The following TBC1D8 variants were observed in gnomAD, a reference collection of about 807,000 sequenced individuals.
The protein encoded by TBC1D8 is TBC1 domain family member 8.
TBC1D8 carries 65 observed loss-of-function variants against 118.8 expected under a neutral mutation model. That is an observed-to-expected ratio of 0.55 (90% CI 0.45 to 0.67). The LOEUF (loss-of-function observed/expected upper bound fraction) is 0.67, where lower values mean the gene tolerates loss of function less well. Ranked by LOEUF, TBC1D8 falls within the 30% of genes least tolerant of loss-of-function variation. The probability of loss-of-function intolerance (pLI) is 0.00; values close to 1 mark genes in which losing one functional copy is unlikely to be tolerated. For missense variants in TBC1D8, 1,376 were observed against 1,471.2 expected (o/e 0.94, Z 1.06); for synonymous variants, 566 against 595.8 (o/e 0.95, Z 0.73).
chr2:101,037,523 G>A lies in TBC1D8; in HGVS notation c.1452+9C>T, dbSNP rs747960750. On this transcript the variant is annotated intron_variant, in intron 8 of 19. Transcript: ENST00000409318. Reference sequence around the variant, plus strand: ...TTGTGGTCCAGCTTGGGCACCAGGCGTCACCCACCATTCGGGAGTCAGGGC... The same window carrying A: ...TTGTGGTCCAGCTTGGGCACCAGGCATCACCCACCATTCGGGAGTCAGGGC... 2.3e-5 allele frequency: 37 copies of A among 1,610,918 alleles called. No homozygotes were observed. Among genetic ancestry groups the A allele is most frequent in the South Asian group, 6.6e-5 (6 of 90,960 alleles).
chr2:101,095,663 TG>T (rs946779568), intron 1 of TBC1D8, among the ~76,000 whole-genome samples: 20 of 152,082 alleles, frequency 1.3e-4, no homozygotes, highest in African/African-American at 4.6e-4. Context: ...TGTTGGACAT[TG>T]GGGTTGTGGA....
intron 1 of TBC1D8, among the ~76,000 whole-genome samples, chr2:101,111,466 C>T (rs1232503568): frequency 5.3e-5 from 8 of 152,146 alleles, no homozygotes; most frequent in Admixed American, 1.3e-4. Context: ...TGAGTGTGTG[C>T]GCGAGTGCAG....
At chr2:101,018,104 AC>A (rs1303522945) in intron 17 of TBC1D8, 1 of 590,934 alleles carries the variant, frequency 1.7e-6, no homozygotes, top group Non-Finnish European at 3.0e-6. Context: ...TCCAATCAAC[AC>A]TTTTTCATAT....
rs538338948 is a variant in TBC1D8, at chr2:101,022,869, G to A, written c.2521-348C>T. 2.0e-4 allele frequency among the ~76,000 whole-genome samples: 31 copies of A among 152,110 alleles called. 1 individual carries two copies. In the South Asian group the frequency reaches 5.0e-3, roughly 24 times the overall value. Reference sequence around the variant, plus strand: ...TAAAATCCTACTTTTTTGGCCAGGCGTGGTGGCTCACGCCTGTAATCCTAG... The same window carrying A: ...TAAAATCCTACTTTTTTGGCCAGGCATGGTGGCTCACGCCTGTAATCCTAG... On this transcript the variant is annotated intron_variant, in intron 15 of 19. Transcript: ENST00000409318.
rs1428996858 is a variant in TBC1D8, at chr2:101,027,377, G to T, written c.2520+6C>A. 3 of 1,612,742 alleles carry T rather than the reference G, an allele frequency of 1.9e-6. No individual in the cohort carries two copies. Among genetic ancestry groups the T allele is most frequent in the East Asian group, 4.5e-5 (2 of 44,832 alleles). On this transcript the variant is annotated splice_donor_region_variant and intron_variant, in intron 15 of 19. Coordinates refer to ENST00000409318, the MANE Select transcript of TBC1D8 (RefSeq NM_001330348.2). The stretch of plus-strand genomic sequence containing the variant: ...TGGAACCCCTCATCTTCCCAGAGCT[G>T]CGTACCTTGAATAAGTCGTAGAGCT...
intron 2 of TBC1D8, among the ~76,000 whole-genome samples, chr2:101,083,196 C>G (rs935618161): frequency 6.6e-6 from 1 of 152,160 alleles, no homozygotes; most frequent in Non-Finnish European, 1.5e-5. Context: ...TTCACCCACT[C>G]ATGGTTTACT....
intron 1 of TBC1D8, among the ~76,000 whole-genome samples, chr2:101,132,308 ACT>A (rs1482454967): frequency 1.3e-5 from 2 of 152,178 alleles, no homozygotes; most frequent in South Asian, 2.1e-4. Context: ...GAATGGGGAC[ACT>A]GTCCTACACA....
In TBC1D8 at chr2:101,033,631, G is replaced by A. The variant is rs1324195948; in HGVS notation, c.1731C>T (p.Pro577=). The change falls in exon 10 of 20, where the codon CCC becomes CCT. Residue 577 remains proline, a synonymous_variant. Coordinates refer to ENST00000409318, the MANE Select transcript of TBC1D8 (RefSeq NM_001330348.2). ...RDLHRSLPEH[P]AFQNETGIAA... Reference sequence around the variant, plus strand: ...CAATTCCCGTTTCGTTCTGGAAGGCGGGGTGCTCTGGCAGGGAGCGGTGCA... The same window carrying A: ...CAATTCCCGTTTCGTTCTGGAAGGCAGGGTGCTCTGGCAGGGAGCGGTGCA... The A allele has an allele frequency of 7.4e-6, 12 of 1,613,920 alleles. No homozygotes were observed. Among genetic ancestry groups the A allele is most frequent in the East Asian group, 2.2e-5 (1 of 44,884 alleles).
intron 2 of TBC1D8, among the ~76,000 whole-genome samples, chr2:101,073,205 C>G (rs1357198930): frequency 6.6e-6 from 1 of 152,156 alleles, no homozygotes; most frequent in African/African-American, 2.4e-5. Flanking sequence ...TCCAGCTATA[C>G]AATTTCTAGA....
At chr2:101,089,479 T>A (rs923954929) in intron 2 of TBC1D8, among the ~76,000 whole-genome samples, 2 of 151,856 alleles carry the variant, frequency 1.3e-5, no homozygotes, top group African/African-American at 4.8e-5. Flanking sequence ...TCTCAAGAAG[T>A]GGTGACTCCT....
chr2:101,128,752 T>A lies in TBC1D8; in HGVS notation c.127+22375A>T, dbSNP rs1387721492. On this transcript the variant is annotated intron_variant, in intron 1 of 19. Transcript: ENST00000409318. ...TGTGGCATATACATACAATAGAATA[T>A]CATTAGCCTCAAATAATATTCCCTG... Among the ~76,000 whole-genome samples the A allele has an allele frequency of 2.0e-5, 3 of 152,194 alleles. 1 individual carries two copies. Among genetic ancestry groups the A allele is most frequent in the Non-Finnish European group, 4.4e-5 (3 of 68,040 alleles).
intron 2 of TBC1D8, among the ~76,000 whole-genome samples, chr2:101,085,234 T>C (rs1009178238): frequency 4.6e-5 from 7 of 151,964 alleles, no homozygotes; most frequent in Non-Finnish European, 7.4e-5. Context: ...CAATAAAGGA[T>C]TGGATGAGTA....
intron 17 of TBC1D8, among the ~76,000 whole-genome samples, chr2:101,014,503 A>G (rs1236763672): frequency 6.6e-6 from 1 of 152,176 alleles, no homozygotes; most frequent in Non-Finnish European, 1.5e-5. Flanking sequence ...TTTCAAAGTC[A>G]TTGTCTCCTC....
At chr2:101,093,458 A>T (rs1051003318) in intron 1 of TBC1D8, among the ~76,000 whole-genome samples, 13 of 152,080 alleles carry the variant, frequency 8.5e-5, no homozygotes, top group Non-Finnish European at 1.5e-5. Flanking sequence ...TTCACACCAA[A>T]ACCTCCAACT....
Position 101,028,381 on chromosome 2 carries a change from G to A in TBC1D8, c.2274C>T (p.Ser758=). The change falls in exon 13 of 20, where the codon AGC becomes AGT. Residue 758 remains serine (S), a synonymous_variant. Transcript: ENST00000409318. Reference sequence around the variant, plus strand: ...GGTCGTCGGAGAAAAAGGCATGGTGGCTGCCAACTGGGGGCCCTGGGCTGT... The same window carrying A: ...GGTCGTCGGAGAAAAAGGCATGGTGACTGCCAACTGGGGGCCCTGGGCTGT... ...NEDSPGPPVG[S]HHAFFSDDQE... The A allele has an allele frequency of 1.2e-6, 2 of 1,610,856 alleles. No homozygotes were observed. The highest frequency in any genetic ancestry group is 1.7e-6 in the Non-Finnish European group (2 of 1,178,562).
At position 101,126,115 on chromosome 2, in the gene TBC1D8, G is replaced by A. The variant is rs989085806; in HGVS notation, c.127+25012C>T. ...ATGAAGCCTCAGGAAGCTTCCACTC[G>A]TGGTGGAAGGTGAAGGGAGCTGGCA... On this transcript the variant is annotated intron_variant, in intron 1 of 19. Transcript: ENST00000409318. Among the ~76,000 whole-genome samples the A allele has an allele frequency of 5.3e-5, 8 of 152,294 alleles. No individual in the cohort carries two copies. In the South Asian group the frequency reaches 8.3e-4, roughly 16 times the overall value.
chr2:101,111,031 G>A (rs928256499), intron 1 of TBC1D8, among the ~76,000 whole-genome samples: 17 of 148,140 alleles, frequency 1.1e-4, no homozygotes, highest in Non-Finnish European at 2.2e-4. Flanking sequence ...TTTTATTCAC[G>A]AAAAGTCACA....
chr2:101,047,547 C>T (rs896225453), intron 5 of TBC1D8, among the ~76,000 whole-genome samples: 5 of 152,230 alleles, frequency 3.3e-5, no homozygotes, highest in African/African-American at 7.2e-5. Context: ...CACAGGCCCA[C>T]GTCTCCATGA....
At chr2:101,095,905 C>T (rs991961834) in intron 1 of TBC1D8, among the ~76,000 whole-genome samples, 6 of 151,912 alleles carry the variant, frequency 3.9e-5, no homozygotes, top group Non-Finnish European at 5.9e-5. Flanking sequence ...AAGGTCACAC[C>T]GAGGGACACA....
Sources: allele counts gnomAD v4.1 joint callset (sites outside exome capture counted in the v4.1 genomes callset), GRCh38; gene constraint gnomAD v4.1.1; transcripts MANE v1.5; gene names NCBI Gene and HGNC (gene_info 2026-07-23, HGNC 2026-07-21).